Variants in UBR4 observed in about 807,000 individuals in gnomAD.
The protein encoded by UBR4 is ubiquitin protein ligase E3 component n-recognin 4, also known as E3 ubiquitin-protein ligase UBR4.
Under a neutral mutation model 575.6 loss-of-function variants are expected in UBR4, and 124 were observed. The ratio of observed to expected loss-of-function variants is 0.22; its 90% confidence interval spans 0.19 to 0.25. The LOEUF (loss-of-function observed/expected upper bound fraction) is 0.25, where lower values mean the gene tolerates loss of function less well. Ranked by LOEUF, UBR4 falls within the 10% of genes least tolerant of loss-of-function variation. The pLI is 1.00. For missense variants in UBR4, 4,818 were observed against 6,478.8 expected, an observed-to-expected ratio of 0.74 and a Z score of 8.80; for synonymous variants, 2,455 against 2,473.7, an observed-to-expected ratio of 0.99 and a Z score of 0.22.
chr1:19,114,218 T>C (rs1261960715), intron 75 of UBR4, 148 bp from the exon 76 acceptor site: 3 of 1,022,064 alleles, frequency 2.9e-6, no homozygotes, highest in African/African-American at 1.6e-5. Context: ...CAATAATCTT[T>C]CCTGTGAGGT....
At position 19,093,274 on chromosome 1, in the gene UBR4, G is replaced by A. The variant is rs765163636; in HGVS notation, c.14111+39C>T. 1 of 1,602,004 alleles carries A rather than the reference G, an allele frequency of 6.2e-7. No individual in the cohort carries two copies. Among genetic ancestry groups the A allele is most frequent in the Non-Finnish European group, 8.5e-7 (1 of 1,173,636 alleles). ...TGGAGAAGGAAAAGGAAAGGGCAAA[G>A]CGAAGGCAAAGCAGCCCCGCTGCGG... On this transcript the variant is annotated intron_variant, in intron 96 of 105. Coordinates refer to ENST00000375254, the MANE Select transcript of UBR4 (RefSeq NM_020765.3). This position sits in a 1 kb window ranked among gnomAD's most constrained non-coding sequence, Gnocchi z 4.8.
At chr1:19,127,829 G>A in intron 62 of UBR4, 90 bp from the exon 63 acceptor site, 4 of 1,049,870 alleles carry the variant, frequency 3.8e-6, no homozygotes, top group Non-Finnish European at 4.4e-6. Flanking sequence ...AAGCCCATCA[G>A]CCCTAAAATG....
chr1:19,093,546 C>A lies in UBR4; in HGVS notation c.13938-60G>T. Reference sequence around the variant, plus strand: ...GGCGGGACAAAACCCAGTCATGTCACCCTCTTGGTTAACAACTGTCAACAG... The same window carrying A: ...GGCGGGACAAAACCCAGTCATGTCAACCTCTTGGTTAACAACTGTCAACAG... On this transcript the variant is annotated intron_variant, in intron 95 of 105. Coordinates refer to ENST00000375254, the MANE Select transcript of UBR4 (RefSeq NM_020765.3). The surrounding 1 kb of genome is among the most constrained non-coding windows in gnomAD (Gnocchi z 4.8). The A allele has an allele frequency of 6.4e-7, 1 of 1,567,606 alleles. No individual in the cohort carries two copies. The highest frequency in any genetic ancestry group is 8.7e-7 in the Non-Finnish European group (1 of 1,147,794).
chr1:19,158,419 T>C (rs2086751201), intron 39 of UBR4, among the ~76,000 whole-genome samples: 1 of 152,160 alleles, frequency 6.6e-6, no homozygotes, highest in South Asian at 2.1e-4. Flanking sequence ...CGACTTCTTT[T>C]AATTCCAAGA....
Position 19,105,543 on chromosome 1 carries a change from C to T in UBR4, c.12503+190G>A, listed in dbSNP as rs144857585. ...TCTCAAATATTAGCTGCTGCTGCTGCTAACACCCTCACCACAACGACCACC... is the reference window on the plus strand; with the variant it reads ...TCTCAAATATTAGCTGCTGCTGCTGTTAACACCCTCACCACAACGACCACC... On this transcript the variant is annotated intron_variant, in intron 84 of 105. Transcript: ENST00000375254. 1.3e-3 allele frequency among the ~76,000 whole-genome samples: 201 copies of T among 152,344 alleles called. No individual in the cohort carries two copies. In the Middle Eastern group the frequency reaches 0.014, roughly 10 times the overall value.
chr1:19,192,582 C>T, intron 9 of UBR4, 42 bp from the exon 10 acceptor site: 1 of 1,607,444 alleles, frequency 6.2e-7, no homozygotes, highest in Non-Finnish European at 8.5e-7. Flanking sequence ...AACAAGCTGA[C>T]AGATTTCATC....
intron 97 of UBR4, among the ~76,000 whole-genome samples, chr1:19,091,198 A>G (rs1418919650): frequency 1.3e-5 from 2 of 152,218 alleles, no homozygotes; most frequent in African/African-American, 2.4e-5. Flanking sequence ...TGATTTATCC[A>G]TATACAAAAG....
rs1256932712 is a variant in UBR4, at chr1:19,187,161, C to T, written c.1632+3G>A. The T allele has an allele frequency of 6.2e-7, 1 of 1,605,294 alleles. No homozygotes were observed. Among genetic ancestry groups the T allele is most frequent in the South Asian group, 1.1e-5 (1 of 89,814 alleles). On this transcript the variant is annotated splice_donor_region_variant and intron_variant, in intron 13 of 105. Transcript: ENST00000375254. ...AATTATCAATGGCTTAACTCCCACC[C>T]ACCTTTCTGTAGGAAGTTGAAAGTA...
intron 1 of UBR4, among the ~76,000 whole-genome samples, chr1:19,206,676 TTAC>T (rs1320595872): frequency 6.6e-6 from 1 of 152,136 alleles, no homozygotes; most frequent in Non-Finnish European, 1.5e-5. Context: ...TTAGTAGCCT[TTAC>T]TACTAAAAGA....
chr1:19,079,611 A>G (rs2076287161), intron 103 of UBR4: 3 of 152,196 alleles, frequency 2.0e-5, no homozygotes, highest in Non-Finnish European at 2.9e-5. Context: ...CCCTTACCCC[A>G]TGACTTACAG....
chr1:19,121,798 G>T, intron 67 of UBR4, 136 bp downstream of exon 67: 4 of 1,073,456 alleles, frequency 3.7e-6, no homozygotes, highest in South Asian at 1.5e-5. Flanking sequence ...TGTCTTCTTT[G>T]CTAGACAGAG....
At chr1:19,163,644 C>G in intron 34 of UBR4, 120 bp downstream of exon 34, 1 of 1,109,174 alleles carries the variant, frequency 9.0e-7, no homozygotes, top group Non-Finnish European at 1.4e-6. Context: ...GATTATCAGC[C>G]TTATCCTTGG....
At chr1:19,146,757 G>GA in intron 52 of UBR4, 69 bp downstream of exon 52, 1 of 1,539,930 alleles carries the variant, frequency 6.5e-7, no homozygotes, top group South Asian at 1.3e-5. Context: ...AGTAAGAACA[G>GA]TAAGAATGAG....
Position 19,172,864 on chromosome 1 carries a change from C to T in UBR4, c.3521G>A (p.Arg1174Lys). 1 of 1,614,140 alleles carries T rather than the reference C, an allele frequency of 6.2e-7. No individual in the cohort carries two copies. Among genetic ancestry groups the T allele is most frequent in the Non-Finnish European group, 8.5e-7 (1 of 1,179,988 alleles). The change falls in exon 25 of 106, where the codon AGA becomes AAA. Residue 1174 changes from arginine (R) to lysine (K), a missense_variant and splice_region_variant. Coordinates refer to ENST00000375254, the MANE Select transcript of UBR4 (RefSeq NM_020765.3). ...TCTCTGGGCAGGCAGTTCGCCACAC[C>T]TGGTGAACGATGCATAGGTGTCAAT... ...QLIDTYASFT[R>K]AYLLQNFNEE... is the part of the protein sequence containing the mutation.
intron 75 of UBR4, 102 bp from the exon 76 acceptor site, chr1:19,114,172 C>G: frequency 6.9e-7 from 1 of 1,453,520 alleles, no homozygotes; most frequent in Non-Finnish European, 9.3e-7. Flanking sequence ...TCCTATAGGT[C>G]AGGCACTGTG....
chr1:19,126,344 T>C (rs538281179), intron 64 of UBR4, 102 bp downstream of exon 64: 2 of 1,401,674 alleles, frequency 1.4e-6, no homozygotes, highest in African/African-American at 1.4e-5. Context: ...CTCCTTCCTA[T>C]GGCTCTTCAC....
In UBR4 at chr1:19,160,253, A is replaced by G. The variant is rs750485621; in HGVS notation, c.5435T>C (p.Leu1812Ser). ...QANFSFAPLV[L>S]DMLNFLMDAI... is the part of the protein sequence containing the mutation. ...ATCCATAAGGAAATTAAGCATGTCTAACACGAGAGGAGCGAAGGAGAAATT... is the reference window on the plus strand; with the variant it reads ...ATCCATAAGGAAATTAAGCATGTCTGACACGAGAGGAGCGAAGGAGAAATT... The change falls in exon 39 of 106, where the codon TTA becomes TCA. Residue 1812 changes from leucine to serine, a missense_variant. Physicochemically the swap from Leu to Ser is moderately radical, Grantham distance 145. This residue lies in a region of UBR4 where 159 missense variants were observed against 174.6 expected (regional missense o/e 0.91). Transcript: ENST00000375254. 1 of 1,613,756 alleles carries G rather than the reference A, an allele frequency of 6.2e-7. No individual in the cohort carries two copies. The highest frequency in any genetic ancestry group is 8.5e-7 in the Non-Finnish European group (1 of 1,179,894).
chr1:19,116,724 C>CA (rs1318875639), intron 73 of UBR4, among the ~76,000 whole-genome samples: 7 of 152,336 alleles, frequency 4.6e-5, no homozygotes, highest in Non-Finnish European at 1.0e-4. Context: ...CACTGGGATA[C>CA]ATGGGCTAGG....
chr1:19,195,652 T>C (rs1044796425), intron 8 of UBR4, among the ~76,000 whole-genome samples: 1 of 152,200 alleles, frequency 6.6e-6, no homozygotes, highest in Non-Finnish European at 1.5e-5. Flanking sequence ...TATTTTCACA[T>C]GTATCCTTAA....
Sources: allele counts gnomAD v4.1 joint callset (sites outside exome capture counted in the v4.1 genomes callset), GRCh38; gene constraint gnomAD v4.1.1; regional missense constraint gnomAD v4.1.1; non-coding constraint Gnocchi (gnomAD v3.1); transcripts MANE v1.5; gene names NCBI Gene and HGNC (gene_info 2026-07-23, HGNC 2026-07-21).